The following CYP7B1 variants were observed in gnomAD, a reference collection of about 807,000 sequenced individuals.
CYP7B1 encodes the protein cytochrome P450 7B1.
A neutral mutation model predicts 42.7 loss-of-function variants in CYP7B1; 29 were observed. The observed-to-expected ratio is 0.68, with a 90% CI of 0.51 to 0.93. The LOEUF is 0.93. Ranked by LOEUF, CYP7B1 falls within the 40% of genes least tolerant of loss-of-function variation. The probability of loss-of-function intolerance (pLI) is 0.00; values close to 1 mark genes in which losing one functional copy is unlikely to be tolerated. For missense variants in CYP7B1, 655 were observed against 600.5 expected, an observed-to-expected ratio of 1.09 and a Z score of -0.95; for synonymous variants, 235 against 218.2, an observed-to-expected ratio of 1.08 and a Z score of -0.68.
At chr8:64,749,060 CT>C (rs1239956545) in intron 1 of CYP7B1, among the ~76,000 whole-genome samples, 2 of 151,902 alleles carry the variant, frequency 1.3e-5, no homozygotes, top group African/African-American at 4.8e-5. Flanking sequence ...ATTTGGTTTT[CT>C]TTTTTATTTT....
intron 1 of CYP7B1, among the ~76,000 whole-genome samples, chr8:64,710,178 T>C (rs980625331): frequency 9.9e-5 from 15 of 152,160 alleles, no homozygotes; most frequent in Non-Finnish European, 1.2e-4. Context: ...GCCAGCCAAG[T>C]CTTCGTAAAG....
chr8:64,730,751 GCACACACACACACA>G (rs61050207), intron 1 of CYP7B1, among the ~76,000 whole-genome samples: 2 of 142,862 alleles, frequency 1.4e-5, no homozygotes, highest in African/African-American at 5.4e-5. Flanking sequence ...AGGACTGTCT[GCACACACACACACA>G]CACACACACA....
intron 1 of CYP7B1, among the ~76,000 whole-genome samples, chr8:64,723,596 T>C (rs1410516364): frequency 2.0e-5 from 3 of 152,234 alleles, no homozygotes; most frequent in Non-Finnish European, 4.4e-5. Flanking sequence ...TCCATAGTTA[T>C]GTCTGATGGA....
intron 1 of CYP7B1, among the ~76,000 whole-genome samples, chr8:64,783,324 T>C (rs1272053285): frequency 2.0e-5 from 3 of 152,306 alleles, no homozygotes; most frequent in East Asian, 3.9e-4. Context: ...ACTTATGTGA[T>C]ACAGTGATGT....
intron 1 of CYP7B1, among the ~76,000 whole-genome samples, chr8:64,725,850 TCTC>T (rs1807315574): frequency 6.6e-6 from 1 of 152,180 alleles, no homozygotes; most frequent in African/African-American, 2.4e-5. Flanking sequence ...TAGTATCTCT[TCTC>T]CTTCATCATG....
intron 4 of CYP7B1, among the ~76,000 whole-genome samples, chr8:64,607,401 A>T (rs80156580): frequency 7.9e-6 from 1 of 126,208 alleles, no homozygotes; most frequent in Non-Finnish European, 1.9e-5. Context: ...CTAGAATTAA[A>T]AAAAAAAAAA....
chr8:64,629,010 G>T (rs1379779451), intron 1 of CYP7B1, among the ~76,000 whole-genome samples: 1 of 152,088 alleles, frequency 6.6e-6, no homozygotes, highest in African/African-American at 2.4e-5. Context: ...GGCGGATCAT[G>T]ACGTCAAGAG....
In CYP7B1 at chr8:64,603,913, T is replaced by C. The variant is rs548352882; in HGVS notation, c.1233+769A>G. On this transcript the variant is annotated intron_variant, in intron 5 of 5. Coordinates refer to ENST00000310193, the MANE Select transcript of CYP7B1 (RefSeq NM_004820.5). ...GAACTGCTAAAAAAGAGCAGCAAAG[T>C]TTCCCTTTGAAAAAAGGCATTTTAC... Among the ~76,000 whole-genome samples, 5 of 152,314 alleles carry C rather than the reference T, an allele frequency of 3.3e-5. No homozygotes were observed. In the South Asian group the frequency reaches 1.0e-3, roughly 32 times the overall value.
At chr8:64,726,047 T>G (rs1376971618) in intron 1 of CYP7B1, among the ~76,000 whole-genome samples, 2 of 152,226 alleles carry the variant, frequency 1.3e-5, no homozygotes, top group Non-Finnish European at 2.9e-5. Context: ...GACTGACATT[T>G]TTTAATTAAA....
chr8:64,739,122 G>A (rs962302557), intron 1 of CYP7B1, among the ~76,000 whole-genome samples: 1 of 152,102 alleles, frequency 6.6e-6, no homozygotes, highest in East Asian at 1.9e-4. Flanking sequence ...CCTTACCCCC[G>A]CCCCAGGCAC....
At chr8:64,760,227 T>C (rs1480721656) in intron 1 of CYP7B1, among the ~76,000 whole-genome samples, 1 of 152,036 alleles carries the variant, frequency 6.6e-6, no homozygotes, top group Non-Finnish European at 1.5e-5. Context: ...TCTTACACCA[T>C]ACACAAAAAT....
At chr8:64,663,652 C>A (rs1485772405) in intron 1 of CYP7B1, among the ~76,000 whole-genome samples, 4 of 152,204 alleles carry the variant, frequency 2.6e-5, no homozygotes, top group Non-Finnish European at 5.9e-5. Flanking sequence ...TACTTCAAAT[C>A]CTGGGTTCTC....
At chr8:64,657,691 T>A (rs1004580835) in intron 1 of CYP7B1, among the ~76,000 whole-genome samples, 2 of 152,188 alleles carry the variant, frequency 1.3e-5, no homozygotes, top group African/African-American at 2.4e-5. Context: ...AGAATGGAGA[T>A]AAACAAAACA....
chr8:64,753,995 G>T (rs940694663), intron 1 of CYP7B1, among the ~76,000 whole-genome samples: 1 of 152,030 alleles, frequency 6.6e-6, no homozygotes, highest in Non-Finnish European at 1.5e-5. Flanking sequence ...ACACAACCAT[G>T]TCCATGCAAC....
rs186965537 is a variant in CYP7B1 at position 64,616,287 on chromosome 8, A to G, written c.260-6T>C. 9 of 1,482,326 alleles carry G rather than the reference A, an allele frequency of 6.1e-6. No homozygotes were observed. The South Asian group carries it at 1.1e-4, about 18-fold the overall frequency. 91.8% of individuals were successfully genotyped at this position (1,482,326 alleles called of 1,614,324 possible). On this transcript the variant is annotated splice_region_variant and splice_polypyrimidine_tract_variant and intron_variant, in intron 2 of 5. Coordinates refer to ENST00000310193, the MANE Select transcript of CYP7B1 (RefSeq NM_004820.5). ...GATAAATGTTATGTACTTTCCTAGA[A>G]AAAAAAAAAGAGAGAGAAAATATGA...
intron 1 of CYP7B1, among the ~76,000 whole-genome samples, chr8:64,635,251 A>G (rs1442500712): frequency 6.6e-6 from 1 of 152,250 alleles, no homozygotes; most frequent in African/African-American, 2.4e-5. Flanking sequence ...TATGCAATTC[A>G]TTACCCCAAG....
At position 64,667,797 on chromosome 8, in the gene CYP7B1, C is replaced by G. The variant is rs565584393; in HGVS notation, c.123-43258G>C. 4.6e-5 allele frequency among the ~76,000 whole-genome samples: 7 copies of G among 152,090 alleles called. No individual in the cohort carries two copies. In the South Asian group the frequency reaches 1.5e-3, roughly 32 times the overall value. ...AACAAAGGTCTAGTCTTCTTTTTTT[C>G]TTTTTACATTCTAAAGAAGTGTTTT... On this transcript the variant is annotated intron_variant, in intron 1 of 5. Transcript: ENST00000310193.
At chr8:64,783,522 G>C (rs1393583226) in intron 1 of CYP7B1, among the ~76,000 whole-genome samples, 1 of 149,882 alleles carries the variant, frequency 6.7e-6, no homozygotes, top group Non-Finnish European at 1.5e-5. Context: ...GGCTGAAAGA[G>C]AGAAAAAATT....
At chr8:64,714,973 A>T (rs1341969410) in intron 1 of CYP7B1, among the ~76,000 whole-genome samples, 1 of 152,188 alleles carries the variant, frequency 6.6e-6, no homozygotes, top group East Asian at 1.9e-4. Flanking sequence ...AAACCAACCA[A>T]ATCTAGGAAT....
Sources: allele counts gnomAD v4.1 joint callset (sites outside exome capture counted in the v4.1 genomes callset), GRCh38; gene constraint gnomAD v4.1.1; transcripts MANE v1.5; gene names NCBI Gene and HGNC (gene_info 2026-07-23, HGNC 2026-07-21).